CSMD3: variants seen among roughly 807,000 people sequenced by gnomAD.
The protein encoded by CSMD3 is CUB and Sushi multiple domains 3.
Under a neutral mutation model 435.2 loss-of-function variants are expected in CSMD3, and 177 were observed. The observed-to-expected ratio is 0.41, with a 90% CI of 0.36 to 0.46. The LOEUF is 0.46. Among genes scored for constraint, CSMD3 ranks in the 20% least tolerant of loss-of-function variants. The probability of loss-of-function intolerance (pLI) is 0.34; values close to 1 mark genes in which losing one functional copy is unlikely to be tolerated. For missense variants in CSMD3, 4,265 were observed against 4,504.6 expected (o/e 0.95, Z 1.52); for synonymous variants, 1,656 against 1,520.5 (o/e 1.09, Z -2.07).
chr8:113,236,802 CATCTATCT>C (rs545455365), intron 3 of CSMD3, among the ~76,000 whole-genome samples: 2 of 152,100 alleles, frequency 1.3e-5, no homozygotes, highest in Non-Finnish European at 2.9e-5. Flanking sequence ...AACCGCCTCT[CATCTATCT>C]ATCTATCTAT....
intron 15 of CSMD3, among the ~76,000 whole-genome samples, chr8:112,684,737 T>C (rs774968653): frequency 6.6e-6 from 1 of 152,144 alleles, no homozygotes; most frequent in Non-Finnish European, 1.5e-5. Context: ...AAGATAATTG[T>C]TCAAAAACCA....
chr8:113,013,991 T>C (rs1272172426), intron 6 of CSMD3, among the ~76,000 whole-genome samples: 2 of 152,102 alleles, frequency 1.3e-5, no homozygotes, highest in Non-Finnish European at 2.9e-5. Context: ...GTGCAGAACA[T>C]AGATTGCAAG....
intron 13 of CSMD3, among the ~76,000 whole-genome samples, chr8:112,691,131 A>G (rs1245472237): frequency 6.6e-6 from 1 of 152,142 alleles, no homozygotes; most frequent in Non-Finnish European, 1.5e-5. Context: ...AACTTTTATT[A>G]TACTGTCAAT....
intron 13 of CSMD3, among the ~76,000 whole-genome samples, chr8:112,798,928 C>T (rs1029484903): frequency 6.6e-6 from 1 of 151,762 alleles, no homozygotes; most frequent in Non-Finnish European, 1.5e-5. Flanking sequence ...AGGATCTGTA[C>T]TCCAAATCAG....
rs201042527 is a variant in CSMD3, at chr8:113,271,386, AG to A, written c.514+7205del. ...AAAAACGGTTTCTTTGACTGGGCCC[AG>A]GGTCCTCATGCTGTATGCAGCCTAG... On this transcript the variant is annotated intron_variant, in intron 3 of 70. Coordinates refer to ENST00000297405, the MANE Select transcript of CSMD3 (RefSeq NM_198123.2). Among the ~76,000 whole-genome samples the A allele has an allele frequency of 7.4e-3, 1,134 of 152,234 alleles. 16 individuals are homozygous for A. The highest frequency in any genetic ancestry group is 0.026 in the African/African-American group (1,064 of 41,550).
intron 13 of CSMD3, among the ~76,000 whole-genome samples, chr8:112,690,939 T>G (rs1390604220): frequency 6.6e-6 from 1 of 152,112 alleles, no homozygotes; most frequent in East Asian, 1.9e-4. Flanking sequence ...CTCCTGACAC[T>G]CAAATATCGA....
intron 12 of CSMD3, among the ~76,000 whole-genome samples, chr8:112,805,190 C>T (rs2079055404): frequency 6.6e-6 from 1 of 152,040 alleles, no homozygotes; most frequent in Non-Finnish European, 1.5e-5. Flanking sequence ...CTACCATATT[C>T]TATATTCCAT....
chr8:113,407,120 C>T (rs753551516), intron 1 of CSMD3, among the ~76,000 whole-genome samples: 5 of 152,060 alleles, frequency 3.3e-5, no homozygotes, highest in Non-Finnish European at 7.4e-5. Flanking sequence ...TACTAAAAAT[C>T]AGATTTGAAA....
At chr8:113,028,629 G>A (rs756300181) in intron 5 of CSMD3, among the ~76,000 whole-genome samples, 15 of 151,332 alleles carry the variant, frequency 9.9e-5, no homozygotes, top group South Asian at 2.1e-4. Flanking sequence ...TTGCTGATAC[G>A]GAGAAAGTTT....
chr8:112,535,482 T>A (rs1035931262), intron 27 of CSMD3, among the ~76,000 whole-genome samples: 11 of 151,450 alleles, frequency 7.3e-5, no homozygotes, highest in African/African-American at 2.7e-4. Context: ...AAGGACCTCT[T>A]CAAGGAGAAC....
intron 6 of CSMD3, among the ~76,000 whole-genome samples, chr8:113,007,129 G>C (rs555617405): frequency 4.6e-5 from 7 of 151,876 alleles, no homozygotes; most frequent in Non-Finnish European, 1.0e-4. Flanking sequence ...TCCTCTGGAC[G>C]ACAAGGCCCA....
In CSMD3 at chr8:112,696,231, G is replaced by T. The variant is rs187148079; in HGVS notation, c.1973-6181C>A. Among the ~76,000 whole-genome samples the T allele has an allele frequency of 4.6e-5, 7 of 152,174 alleles. No homozygotes were observed. In the South Asian group the frequency reaches 1.5e-3, roughly 32 times the overall value. On this transcript the variant is annotated intron_variant, in intron 13 of 70. Coordinates refer to ENST00000297405, the MANE Select transcript of CSMD3 (RefSeq NM_198123.2). ...CAGAATTTGAAAAAACTACTTTAAAGTTCATATGGAACCAAAAAAGGGTCT... is the reference window on the plus strand; with the variant it reads ...CAGAATTTGAAAAAACTACTTTAAATTTCATATGGAACCAAAAAAGGGTCT...
intron 22 of CSMD3, among the ~76,000 whole-genome samples, chr8:112,614,549 C>T (rs1046197423): frequency 7.2e-5 from 11 of 152,002 alleles, no homozygotes; most frequent in African/African-American, 2.4e-4. Flanking sequence ...TTCCCCAAAA[C>T]ACAAATATAT....
intron 3 of CSMD3, among the ~76,000 whole-genome samples, chr8:113,255,629 T>C (rs909738001): frequency 3.3e-5 from 5 of 152,040 alleles, no homozygotes; most frequent in African/African-American, 7.2e-5. Flanking sequence ...TGGTGATGAA[T>C]AATATTAGAA....
At chr8:113,117,328 C>A (rs1338737591) in intron 4 of CSMD3, among the ~76,000 whole-genome samples, 4 of 152,198 alleles carry the variant, frequency 2.6e-5, no homozygotes, top group Admixed American at 2.6e-4. Flanking sequence ...GTGTGAGCAC[C>A]AACCCTTGGC....
chr8:113,395,924 C>G (rs910263776), intron 1 of CSMD3, among the ~76,000 whole-genome samples: 1 of 152,060 alleles, frequency 6.6e-6, no homozygotes, highest in African/African-American at 2.4e-5. Flanking sequence ...GTAACTGATT[C>G]CTGAGAAAGA....
intron 13 of CSMD3, among the ~76,000 whole-genome samples, chr8:112,709,768 G>A (rs1465008539): frequency 6.6e-6 from 1 of 152,038 alleles, no homozygotes; most frequent in African/African-American, 2.4e-5. Flanking sequence ...AAGGGAAAGT[G>A]TAAGGGCAAG....
At chr8:112,369,280 T>G (rs1313615444) in intron 38 of CSMD3, among the ~76,000 whole-genome samples, 1 of 152,110 alleles carries the variant, frequency 6.6e-6, no homozygotes, top group Non-Finnish European at 1.5e-5. Context: ...AAATATAAAC[T>G]TTTAGATTTG....
At chr8:112,687,097 G>A (rs904464060) in intron 14 of CSMD3, among the ~76,000 whole-genome samples, 2 of 151,872 alleles carry the variant, frequency 1.3e-5, no homozygotes, top group African/African-American at 4.8e-5. Flanking sequence ...GTATGACAAA[G>A]GATATGAATT....
Sources: gnomAD v4.1 joint callset for allele counts (sites outside exome capture counted in the v4.1 genomes callset) on GRCh38, gnomAD v4.1.1 for gene constraint, MANE v1.5 for transcripts, NCBI Gene and HGNC (gene_info 2026-07-23, HGNC 2026-07-21) for gene names.